Variants in COL4A5 observed in about 807,000 individuals in gnomAD.
COL4A5 encodes collagen alpha-5(IV) chain.
COL4A5 carries 26 observed loss-of-function variants against 130.2 expected under a neutral mutation model. The ratio of observed to expected loss-of-function variants is 0.20; its 90% CI spans 0.15 to 0.28. COL4A5 has a LOEUF of 0.28. COL4A5 is among the 10% of genes least tolerant of loss of function. The pLI, the probability that COL4A5 is intolerant of heterozygous loss-of-function variation, is 1.00. For missense variants in COL4A5, 1,131 were observed against 1,344.3 expected (o/e 0.84, Z 2.48); for synonymous variants, 496 against 439.6 (o/e 1.13, Z -1.60).
chrX:108,573,983 G>A lies in COL4A5; in HGVS notation c.546+329G>A, dbSNP rs973297715. On this transcript the variant is annotated intron_variant, in intron 9 of 52. Transcript: ENST00000328300. The stretch of plus-strand genomic sequence containing the variant: ...CTAATTAAAAATAAAAATTATGGAA[G>A]TCCCATTGAATATATTAAGATATAT... Among the ~76,000 whole-genome samples the A allele has an allele frequency of 2.1e-4, 23 of 110,967 alleles. 1 individual carries two copies. Among genetic ancestry groups the A allele is most frequent in the African/African-American group, 7.2e-4 (22 of 30,589 alleles).
intron 49 of COL4A5, among the ~76,000 whole-genome samples, chrX:108,688,891 A>G (rs2068598077): frequency 9.0e-6 from 1 of 111,708 alleles, no homozygotes; most frequent in Admixed American, 9.5e-5. Flanking sequence ...CTGCAGCAGC[A>G]GAGACCCCGG....
At chrX:108,501,230 C>A (rs940462238) in intron 1 of COL4A5, among the ~76,000 whole-genome samples, 1 of 111,569 alleles carries the variant, frequency 9.0e-6, no homozygotes, top group Non-Finnish European at 1.9e-5. Flanking sequence ...TCACTATTAT[C>A]TAGTGTATAA....
chrX:108,661,088 C>T (rs1428028667), intron 37 of COL4A5, among the ~76,000 whole-genome samples: 1 of 112,055 alleles, frequency 8.9e-6, no homozygotes, highest in Non-Finnish European at 1.9e-5. Flanking sequence ...GCTATACGGC[C>T]TAAATGTATA....
chrX:108,443,291 T>G (rs907569052), intron 1 of COL4A5, among the ~76,000 whole-genome samples: 4 of 112,242 alleles, frequency 3.6e-5, no homozygotes, highest in African/African-American at 1.3e-4. Flanking sequence ...GTTTTATGAT[T>G]TTATGTAATC....
At chrX:108,519,618 A>G (rs770517315) in intron 1 of COL4A5, among the ~76,000 whole-genome samples, 4 of 111,480 alleles carry the variant, frequency 3.6e-5, no homozygotes, top group African/African-American at 1.3e-4. Context: ...TTGAATATGT[A>G]CATATTATAA....
intron 1 of COL4A5, among the ~76,000 whole-genome samples, chrX:108,524,261 A>G (rs1270539995): frequency 2.7e-5 from 3 of 111,986 alleles, no homozygotes; most frequent in African/African-American, 9.7e-5. Flanking sequence ...CTTATAGGGA[A>G]ATGATTTAGT....
At chrX:108,575,691 G>C (rs2066133698) in intron 9 of COL4A5, among the ~76,000 whole-genome samples, 1 of 111,633 alleles carries the variant, frequency 9.0e-6, no homozygotes, top group South Asian at 3.7e-4. Flanking sequence ...ACGATAATTA[G>C]CCGGACCTGG....
chrX:108,468,949 G>A (rs1603249496), intron 1 of COL4A5, among the ~76,000 whole-genome samples: 1 of 110,777 alleles, frequency 9.0e-6, no homozygotes, highest in East Asian at 2.8e-4. Flanking sequence ...TAAATTTTTG[G>A]TAGAATTCAC....
intron 28 of COL4A5, 64 bp from the exon 29 acceptor site, chrX:108,606,678 G>A: frequency 8.7e-7 from 1 of 1,150,079 alleles, no homozygotes; most frequent in Non-Finnish European, 1.2e-6. Context: ...ATTCTCTGTG[G>A]CAAACAATAA....
At chrX:108,444,027 A>G (rs1014654776) in intron 1 of COL4A5, among the ~76,000 whole-genome samples, 10 of 111,332 alleles carry the variant, frequency 9.0e-5, no homozygotes, top group African/African-American at 2.9e-4. Context: ...AGCAGTATGG[A>G]CTTAATGAAT....
intron 52 of COL4A5, 143 bp downstream of exon 52, chrX:108,695,582 A>G (rs2068720664): frequency 1.5e-6 from 1 of 656,337 alleles, no homozygotes; most frequent in Non-Finnish European, 2.4e-6. Flanking sequence ...TGTTCTTCTC[A>G]TATACATGAC....
intron 49 of COL4A5, chrX:108,689,406 A>G (rs765217973): frequency 8.0e-6 from 6 of 751,774 alleles, no homozygotes; most frequent in South Asian, 6.8e-5. Flanking sequence ...GAATTCAAAA[A>G]TGTAATGCAG....
At chrX:108,465,921 C>T (rs1428471739) in intron 1 of COL4A5, among the ~76,000 whole-genome samples, 1 of 111,147 alleles carries the variant, frequency 9.0e-6, no homozygotes, top group Admixed American at 9.6e-5. Flanking sequence ...TTTGGTTTCT[C>T]TCACTCCACC....
intron 36 of COL4A5, among the ~76,000 whole-genome samples, chrX:108,649,150 A>AAAAATAAAATAAAATAAAAT (rs745647053): frequency 9.0e-6 from 1 of 111,259 alleles, no homozygotes; most frequent in East Asian, 2.8e-4. Context: ...AATAGCTGCA[A>AAAAATAAAATAAAATAAAAT]AAAATAAAAT....
At chrX:108,630,375 T>C (rs1316086407) in intron 36 of COL4A5, among the ~76,000 whole-genome samples, 3 of 112,022 alleles carry the variant, frequency 2.7e-5, no homozygotes, top group Non-Finnish European at 5.6e-5. Context: ...TGGTATCTCA[T>C]TGTGGTTTTG....
intron 43 of COL4A5, chrX:108,676,907 T>A (rs1235220984): frequency 8.9e-6 from 1 of 112,164 alleles, no homozygotes; most frequent in Non-Finnish European, 1.9e-5. Flanking sequence ...AGAATGCAAA[T>A]TATTGGGCCT....
intron 13 of COL4A5, among the ~76,000 whole-genome samples, chrX:108,579,789 A>G (rs531112646): frequency 8.9e-6 from 1 of 112,083 alleles, no homozygotes; most frequent in South Asian, 3.7e-4. Flanking sequence ...ATCTCCCAAA[A>G]TATATGTATG....
intron 32 of COL4A5, 48 bp downstream of exon 32, chrX:108,621,940 A>C (rs2067061690): frequency 1.1e-6 from 1 of 884,245 alleles, no homozygotes; most frequent in Non-Finnish European, 1.7e-6. Flanking sequence ...GGAAAATTAA[A>C]TATAGCTTTA....
At chrX:108,634,900 A>C (rs2067326499) in intron 36 of COL4A5, among the ~76,000 whole-genome samples, 1 of 111,030 alleles carries the variant, frequency 9.0e-6, no homozygotes, top group African/African-American at 3.3e-5. Flanking sequence ...GAGTACCCAT[A>C]TTATAAAGGA....
Sources: gnomAD v4.1 joint callset for allele counts (sites outside exome capture counted in the v4.1 genomes callset) on GRCh38, gnomAD v4.1.1 for gene constraint, MANE v1.5 for transcripts, NCBI Gene and HGNC (gene_info 2026-07-23, HGNC 2026-07-21) for gene names.